SMIM23: variants seen among roughly 807,000 people sequenced by gnomAD.
The protein encoded by SMIM23 is CTB-78H18.1.
Under a neutral mutation model 12.8 loss-of-function variants are expected in SMIM23, and 10 were observed. That is an observed-to-expected ratio of 0.78 (90% CI 0.48 to 1.32). The LOEUF (loss-of-function observed/expected upper bound fraction) is 1.32. Among genes scored for constraint, SMIM23 ranks in the 40% most tolerant of loss-of-function variants. The pLI is 0.00. For missense variants in SMIM23, 184 were observed against 198.2 expected (o/e 0.93, Z 0.43); for synonymous variants, 78 against 80.1 (o/e 0.97, Z 0.14).
At chr5:171,785,749 C>T (rs1434843761), upstream of SMIM23, 4 of 742,012 alleles carry the variant, frequency 5.4e-6, no homozygotes, top group Non-Finnish European at 9.1e-6. Flanking sequence ...ACCTTGCTGT[C>T]CCTACCTTCT....
the SMIM23 span, among the ~76,000 whole-genome samples, chr5:171,773,251 G>C: frequency 2.0e-5 from 3 of 152,188 alleles, no homozygotes; most frequent in Non-Finnish European, 2.9e-5. Flanking sequence ...TCAGGGAGGT[G>C]GTGGGGGCTC....
intron 1 of SMIM23, among the ~76,000 whole-genome samples, chr5:171,787,004 CTTTTTTTTTTTTT>C (rs202159150): frequency 5.6e-5 from 4 of 71,290 alleles, no homozygotes; most frequent in Admixed American, 4.0e-4. Flanking sequence ...CCATTGTTTC[CTTTTTTTTTTTTT>C]TTTTTTTTTT....
the SMIM23 span, among the ~76,000 whole-genome samples, chr5:171,773,264 T>C: frequency 2.6e-5 from 4 of 152,118 alleles, no homozygotes; most frequent in African/African-American, 9.7e-5. Flanking sequence ...GGGGGCTCAA[T>C]GAGATGATAC....
the SMIM23 span, chr5:171,774,533 T>C: frequency 1.8e-5 from 8 of 456,062 alleles, no homozygotes; most frequent in African/African-American, 1.4e-4. Context: ...CCACGCCCCT[T>C]GTGGGTTTGA....
upstream of SMIM23, among the ~76,000 whole-genome samples, chr5:171,780,497 TTA>T (rs1561588590): frequency 6.6e-6 from 1 of 152,204 alleles, no homozygotes. Flanking sequence ...GAAGAATTTA[TTA>T]TGTTTCCTAG....
At chr5:171,774,310 A>G in the SMIM23 span, 1 of 423,922 alleles carries the variant, frequency 2.4e-6, no homozygotes, top group South Asian at 1.7e-5. Flanking sequence ...ATGGCCTGTG[A>G]AATAGACAGT....
upstream of SMIM23, among the ~76,000 whole-genome samples, chr5:171,778,987 A>G (rs1367105770): frequency 6.6e-6 from 1 of 152,158 alleles, no homozygotes; most frequent in African/African-American, 2.4e-5. Flanking sequence ...AATTTTAGTT[A>G]GCCATAGGGG....
At chr5:171,789,733 A>T (rs1448913601) in intron 1 of SMIM23, among the ~76,000 whole-genome samples, 1 of 152,228 alleles carries the variant, frequency 6.6e-6, no homozygotes, top group Non-Finnish European at 1.5e-5. Context: ...GGAACAGGCA[A>T]AACTACTCAC....
At chr5:171,783,344 A>G (rs760189576), upstream of SMIM23, among the ~76,000 whole-genome samples, 5 of 152,222 alleles carry the variant, frequency 3.3e-5, no homozygotes, top group Non-Finnish European at 7.3e-5. Flanking sequence ...GAGCTGAAAC[A>G]ATCTTGACAA....
upstream of SMIM23, among the ~76,000 whole-genome samples, chr5:171,782,064 T>C (rs938889108): frequency 6.6e-6 from 1 of 152,204 alleles, no homozygotes; most frequent in African/African-American, 2.4e-5. Flanking sequence ...CTTTCTAGGT[T>C]GTGGAAGCTT....
chr5:171,788,941 G>A (rs7444000), intron 1 of SMIM23, among the ~76,000 whole-genome samples: 53,940 of 152,140 alleles, frequency 0.35, 10,224 homozygotes, highest in East Asian at 0.5. Flanking sequence ...CCAGGCTCAA[G>A]CGATGCTCCT....
chr5:171,790,841 C>A lies in SMIM23; in HGVS notation c.272C>A (p.Thr91Asn). The A allele has an allele frequency of 6.5e-7, 1 of 1,536,112 alleles. No homozygotes were observed. The highest frequency in any genetic ancestry group is 8.7e-7 in the Non-Finnish European group (1 of 1,146,926). The change falls in exon 4 of 4, where the codon ACC becomes AAC. Residue 91 changes from threonine to asparagine, a missense_variant. Transcript: ENST00000523047. ...GAGCCCTCAGAAGAACCGATAAAGA[C>A]CATCAGGAACTGGCTGAAGGAGAAG... ...TNEPSEEPIK[T>N]IRNWLKEKLH...
chr5:171,787,271 G>C (rs142499742), intron 1 of SMIM23, among the ~76,000 whole-genome samples: 1 of 152,016 alleles, frequency 6.6e-6, no homozygotes, highest in East Asian at 1.9e-4. Context: ...ACCCGCCTCC[G>C]CCTCCCAAAG....
chr5:171,790,878 C>T lies in SMIM23; in HGVS notation c.309C>T (p.Phe103=). The T allele has an allele frequency of 6.5e-7, 1 of 1,536,120 alleles. No individual in the cohort carries two copies. ...GGCTGAAGGAGAAGTTGCATGTCTTCTCGGAGAAGTTAGAGGAAGAGGTGC... is the reference window on the plus strand; with the variant it reads ...GGCTGAAGGAGAAGTTGCATGTCTTTTCGGAGAAGTTAGAGGAAGAGGTGC... ...RNWLKEKLHV[F]SEKLEEEVQQ... is the part of the protein sequence containing the mutation. Residue 103 remains phenylalanine, a synonymous_variant, in exon 4 of 4, where the codon TTC becomes TTT. Coordinates refer to ENST00000523047, the MANE Select transcript of SMIM23 (RefSeq NM_001289970.2).
At chr5:171,785,380 C>G (rs1328716826), upstream of SMIM23, among the ~76,000 whole-genome samples, 1 of 149,854 alleles carries the variant, frequency 6.7e-6, no homozygotes, top group Non-Finnish European at 1.5e-5. Flanking sequence ...ATACATTTTT[C>G]AATTAAAAAT....
At chr5:171,781,622 C>G (rs573633175), upstream of SMIM23, among the ~76,000 whole-genome samples, 7 of 151,810 alleles carry the variant, frequency 4.6e-5, no homozygotes, top group Admixed American at 6.6e-5. Context: ...TGGTATAAGA[C>G]GACGAACCCT....
At chr5:171,785,067 G>A (rs1380507651), upstream of SMIM23, among the ~76,000 whole-genome samples, 1 of 152,178 alleles carries the variant, frequency 6.6e-6, no homozygotes, top group Non-Finnish European at 1.5e-5. Context: ...CCATCACGAA[G>A]CAGCACAAAG....
chr5:171,773,367 A>ACTTTGAGGTCACTGAATC, the SMIM23 span, among the ~76,000 whole-genome samples: 100 of 31,166 alleles, frequency 3.2e-3, no homozygotes, highest in African/African-American at 4.7e-3. Context: ...GAGATGCACG[A>ACTTTGAGGTCACTGAATC]CCTTTGAGGT....
intron 1 of SMIM23, among the ~76,000 whole-genome samples, chr5:171,789,277 C>G (rs1246759813): frequency 6.6e-6 from 1 of 152,212 alleles, no homozygotes; most frequent in African/African-American, 2.4e-5. Flanking sequence ...GCTCATTTGG[C>G]TCAATATTTA....
Sources: allele counts gnomAD v4.1 joint callset (sites outside exome capture counted in the v4.1 genomes callset), GRCh38; gene constraint gnomAD v4.1.1; transcripts MANE v1.5; gene names NCBI Gene and HGNC (gene_info 2026-07-23, HGNC 2026-07-21).